Variants in FRMD6 observed in about 807,000 individuals in gnomAD.
The protein encoded by FRMD6 is FERM domain containing 6.
In FRMD6, 37 loss-of-function variants were observed where a neutral mutation model predicts 73.2. The ratio of observed to expected loss-of-function variants is 0.51; its 90% CI spans 0.39 to 0.66. The LOEUF is 0.66. Ranked by LOEUF, FRMD6 falls within the 30% of genes least tolerant of loss-of-function variation. The pLI, the probability that FRMD6 is intolerant of heterozygous loss-of-function variation, is 0.00. For missense variants in FRMD6, 714 were observed against 780.5 expected (o/e 0.91, Z 1.02); for synonymous variants, 273 against 282.2 (o/e 0.97, Z 0.33).
chr14:51,432,959 C>T, the FRMD6 span, among the ~76,000 whole-genome samples: 242 of 152,318 alleles, frequency 1.6e-3, 3 homozygotes, highest in African/African-American at 5.7e-3. Context: ...GGCCCTTAAA[C>T]ATGAAACTTG....
intron 2 of FRMD6, chr14:51,576,143 C>T (rs1888391899): frequency 6.6e-6 from 1 of 152,214 alleles, no homozygotes; most frequent in African/African-American, 2.4e-5. Flanking sequence ...AGACCAGAGC[C>T]CACAGAGTCT....
chr14:51,467,497 G>T, the FRMD6 span, among the ~76,000 whole-genome samples: 174 of 152,328 alleles, frequency 1.1e-3, no homozygotes, highest in Non-Finnish European at 1.9e-3. Context: ...TCCCAGACGG[G>T]GTAGCGGCCA....
chr14:51,472,762 C>T, the FRMD6 span, among the ~76,000 whole-genome samples: 56 of 152,330 alleles, frequency 3.7e-4, no homozygotes, highest in African/African-American at 1.2e-3. Context: ...GTTCCCCTCA[C>T]CCAGATTTCT....
At chr14:51,675,345 G>A (rs922300150) in intron 1 of FRMD6, among the ~76,000 whole-genome samples, 7 of 152,064 alleles carry the variant, frequency 4.6e-5, no homozygotes, top group South Asian at 2.1e-4. Flanking sequence ...CTTAGAGCAC[G>A]TTGGCTAAAG....
At chr14:51,409,388 A>T in the FRMD6 span, among the ~76,000 whole-genome samples, 1 of 117,552 alleles carries the variant, frequency 8.5e-6, no homozygotes, top group Non-Finnish European at 1.7e-5. Flanking sequence ...TGTTTTCTGG[A>T]TAGCTCATCA....
intron 1 of FRMD6, among the ~76,000 whole-genome samples, chr14:51,663,914 C>T (rs1423414338): frequency 6.6e-6 from 1 of 152,188 alleles, no homozygotes; most frequent in African/African-American, 2.4e-5. Flanking sequence ...TAACAACCTG[C>T]TCTTGTGATA....
At chr14:51,536,346 G>C (rs1461093784) in intron 1 of FRMD6, among the ~76,000 whole-genome samples, 2 of 151,936 alleles carry the variant, frequency 1.3e-5, no homozygotes, top group Admixed American at 6.6e-5. Flanking sequence ...TCCTGCCTCA[G>C]CCTCCCAAAT....
At chr14:51,408,771 T>C in the FRMD6 span, among the ~76,000 whole-genome samples, 4 of 152,188 alleles carry the variant, frequency 2.6e-5, 1 homozygote, top group African/African-American at 9.6e-5. Flanking sequence ...ATTTTTCTGC[T>C]TCCTTTAATG....
chr14:51,642,461 C>T (rs960100835), intron 2 of FRMD6, among the ~76,000 whole-genome samples: 5 of 152,204 alleles, frequency 3.3e-5, no homozygotes, highest in East Asian at 3.9e-4. Flanking sequence ...TGCTTGAACC[C>T]GGAGGTGGAG....
the FRMD6 span, among the ~76,000 whole-genome samples, chr14:51,416,817 CT>C: frequency 1.3e-5 from 2 of 152,134 alleles, no homozygotes; most frequent in African/African-American, 2.4e-5. Flanking sequence ...TAAGGACTTG[CT>C]TTATGAATCT....
At chr14:51,653,546 A>C (rs735265) in intron 1 of FRMD6, among the ~76,000 whole-genome samples, 1 of 151,892 alleles carries the variant, frequency 6.6e-6, no homozygotes, top group South Asian at 2.1e-4. Context: ...AGGATGAGAA[A>C]TTTTTTTTTA....
rs570648437 is a variant in FRMD6 at position 51,691,460 on chromosome 14, A to G, written c.99+1525A>G. ...AGATTTTTCAACCCCTCTCTGTGTT[A>G]TCAACTTTCATACTGTTTCTTTCAT... On this transcript the variant is annotated intron_variant, in intron 2 of 13. Transcript: ENST00000344768. Among the ~76,000 whole-genome samples the G allele has an allele frequency of 3.3e-5, 5 of 152,152 alleles. No homozygotes were observed. The East Asian group carries it at 9.7e-4, about 29-fold the overall frequency.
intron 2 of FRMD6, among the ~76,000 whole-genome samples, chr14:51,692,346 G>A (rs765497294): frequency 3.9e-5 from 6 of 152,048 alleles, no homozygotes; most frequent in Non-Finnish European, 8.8e-5. Flanking sequence ...TGAATATTTT[G>A]TTTTACTTTT....
intron 2 of FRMD6, among the ~76,000 whole-genome samples, chr14:51,598,259 TG>T (rs1321210792): frequency 6.6e-6 from 1 of 151,970 alleles, no homozygotes; most frequent in East Asian, 1.9e-4. Context: ...ACACAGAAAG[TG>T]GTCCCAAGAG....
chr14:51,588,188 C>G (rs537028015), intron 2 of FRMD6, among the ~76,000 whole-genome samples: 14 of 152,102 alleles, frequency 9.2e-5, no homozygotes, highest in African/African-American at 3.1e-4. Flanking sequence ...CATTTCCCCC[C>G]CTCCCAAACC....
chr14:51,593,381 A>C (rs1161963405), intron 2 of FRMD6, among the ~76,000 whole-genome samples: 2 of 152,250 alleles, frequency 1.3e-5, no homozygotes, highest in Non-Finnish European at 2.9e-5. Flanking sequence ...GCAAAGACAA[A>C]TAAATCCTAA....
chr14:51,535,405 C>G (rs1428763161), intron 1 of FRMD6, among the ~76,000 whole-genome samples: 1 of 152,182 alleles, frequency 6.6e-6, no homozygotes, highest in African/African-American at 2.4e-5. Context: ...ATTTTCTGCT[C>G]TATAGATTTG....
the FRMD6 span, among the ~76,000 whole-genome samples, chr14:51,468,463 C>G: frequency 6.6e-6 from 1 of 152,118 alleles, no homozygotes; most frequent in African/African-American, 2.4e-5. Flanking sequence ...TATCCTGTGA[C>G]TTTGCTAAAT....
the FRMD6 span, among the ~76,000 whole-genome samples, chr14:51,409,993 G>C: frequency 6.6e-6 from 1 of 152,182 alleles, no homozygotes; most frequent in African/African-American, 2.4e-5. Context: ...CTTCTTGAAT[G>C]TAAATCTTGG....
Sources: gnomAD v4.1 joint callset for allele counts (sites outside exome capture counted in the v4.1 genomes callset) on GRCh38, gnomAD v4.1.1 for gene constraint, MANE v1.5 for transcripts, NCBI Gene and HGNC (gene_info 2026-07-23, HGNC 2026-07-21) for gene names.